ZNF680: variants seen among roughly 807,000 people sequenced by gnomAD.
The protein encoded by ZNF680 is hypothetical protein FLJ90430.
ZNF680 carries 6 observed loss-of-function variants against 12.1 expected under a neutral mutation model. The ratio of observed to expected loss-of-function variants is 0.49; its 90% CI spans 0.27 to 0.98. The LOEUF (loss-of-function observed/expected upper bound fraction) is 0.98. ZNF680 is among the 50% of genes least tolerant of loss of function. The pLI, the probability that ZNF680 is intolerant of heterozygous loss-of-function variation, is 0.12. For synonymous variants in ZNF680, 170 were observed against 199.3 expected (o/e 0.85, Z 1.24); for missense variants, 561 against 616.3 (o/e 0.91, Z 0.95).
intron 3 of ZNF680, among the ~76,000 whole-genome samples, chr7:64,533,106 G>C (rs1437899407): frequency 6.6e-6 from 1 of 152,152 alleles, no homozygotes; most frequent in Non-Finnish European, 1.5e-5. Flanking sequence ...TTGAGAACTG[G>C]AACAAGACAA....
the ZNF680 span, chr7:64,501,323 G>C: frequency 8.3e-7 from 1 of 1,208,030 alleles, no homozygotes; most frequent in Non-Finnish European, 1.2e-6. Context: ...ACCTCATGAA[G>C]GGGCAAAAGT....
chr7:64,556,649 C>T (rs546912619), intron 1 of ZNF680, among the ~76,000 whole-genome samples: 104 of 152,154 alleles, frequency 6.8e-4, no homozygotes, highest in African/African-American at 2.3e-3. Context: ...TGATTAAAGA[C>T]CTAAATGTAG....
the ZNF680 span, among the ~76,000 whole-genome samples, chr7:64,509,590 A>G: frequency 6.6e-6 from 1 of 152,196 alleles, no homozygotes; most frequent in African/African-American, 2.4e-5. Context: ...AATAGTATTA[A>G]AACATTCCCT....
chr7:64,525,685 T>C, intron 3 of ZNF680: 1 of 726,334 alleles, frequency 1.4e-6, no homozygotes, highest in Non-Finnish European at 1.7e-6. Context: ...TTATGTGTTT[T>C]TGACAAGTAA....
In ZNF680 at chr7:64,521,940, C is replaced by A. The variant is rs1411115770; in HGVS notation, c.814G>T (p.Gly272Cys). 1 of 1,612,742 alleles carries A rather than the reference C, an allele frequency of 6.2e-7. No homozygotes were observed. Among genetic ancestry groups the A allele is most frequent in the Non-Finnish European group, 8.5e-7 (1 of 1,179,542 alleles). Reference sequence around the variant, plus strand: ...ATTGAGAATAAACTAAAGGCTTTGCCACATTCTTCACATTTGAAGGGTTTC... The same window carrying A: ...ATTGAGAATAAACTAAAGGCTTTGCAACATTCTTCACATTTGAAGGGTTTC... Reference protein sequence around the residue: ...EEKPFKCEECGKAFSLFSILS... With the variant: ...EEKPFKCEECCKAFSLFSILS... Residue 272 changes from glycine (G) to cysteine (C), a missense_variant, in exon 4 of 4, where the codon GGC becomes TGC. Transcript: ENST00000309683.
chr7:64,513,988 C>T, the ZNF680 span, among the ~76,000 whole-genome samples: 2 of 152,012 alleles, frequency 1.3e-5, no homozygotes, highest in Non-Finnish European at 2.9e-5. Flanking sequence ...AAAGGTTTTG[C>T]TTTTTCAAAT....
chr7:64,556,902 AT>A (rs1787444822), intron 1 of ZNF680, among the ~76,000 whole-genome samples: 1 of 152,250 alleles, frequency 6.6e-6, no homozygotes. Context: ...TATTTGTAAA[AT>A]ATGCTTCTGA....
At chr7:64,543,661 C>T in intron 3 of ZNF680, 46 bp downstream of exon 3, 1 of 1,487,440 alleles carries the variant, frequency 6.7e-7, no homozygotes, top group African/African-American at 1.4e-5. Flanking sequence ...GACATCTGGA[C>T]CTCTCATCTG....
intron 3 of ZNF680, among the ~76,000 whole-genome samples, chr7:64,527,385 CATTA>C (rs1459114193): frequency 6.6e-6 from 1 of 151,938 alleles, no homozygotes; most frequent in Admixed American, 6.6e-5. Context: ...TTTAAAAATA[CATTA>C]ATTAAACTAA....
chr7:64,504,912 CTA>C, the ZNF680 span, among the ~76,000 whole-genome samples: 1 of 152,084 alleles, frequency 6.6e-6, no homozygotes, highest in Non-Finnish European at 1.5e-5. Flanking sequence ...TCAATTTACT[CTA>C]AATTGAGAGA....
chr7:64,508,076 C>T, the ZNF680 span, among the ~76,000 whole-genome samples: 2 of 144,704 alleles, frequency 1.4e-5, no homozygotes, highest in African/African-American at 5.3e-5. Flanking sequence ...TTATTTCCTT[C>T]ACTTGTTAGA....
chr7:64,504,938 C>T, the ZNF680 span, among the ~76,000 whole-genome samples: 1 of 152,172 alleles, frequency 6.6e-6, no homozygotes, highest in Non-Finnish European at 1.5e-5. Context: ...GATTTGCAAT[C>T]TTCAATCTTT....
chr7:64,526,021 A>C (rs1488360538), intron 3 of ZNF680: 2 of 983,504 alleles, frequency 2.0e-6, no homozygotes, highest in African/African-American at 3.5e-5. Context: ...TGGCATACTC[A>C]ATTATAATAT....
Position 64,521,899 on chromosome 7 carries a change from C to A in ZNF680, c.855G>T (p.Lys285Asn). The stretch of plus-strand genomic sequence containing the variant: ...AAGGTTTGTCTCCAGTATGAATTAT[C>A]TTATGTTTACTAAGGATTGAGAATA... Reference protein sequence around the residue: ...FSLFSILSKHKIIHTGDKPYK... With the variant: ...FSLFSILSKHNIIHTGDKPYK... The change falls in exon 4 of 4, where the codon AAG becomes AAT. Residue 285 changes from lysine (K) to asparagine (N), a missense_variant. By Grantham distance (94) the Lys-to-Asn change is moderately conservative. Transcript: ENST00000309683. 1.2e-6 allele frequency: 2 copies of A among 1,613,218 alleles called. No homozygotes were observed. Among genetic ancestry groups the A allele is most frequent in the Middle Eastern group, 1.7e-4 (1 of 6,054 alleles).
downstream of ZNF680, among the ~76,000 whole-genome samples, chr7:64,515,781 C>T (rs1356211412): frequency 1.3e-5 from 2 of 152,094 alleles, no homozygotes; most frequent in African/African-American, 2.4e-5. Context: ...AAAGTTTCTT[C>T]TCCTTTTGTG....
chr7:64,553,065 C>G (rs1294740826), intron 1 of ZNF680, among the ~76,000 whole-genome samples: 1 of 149,152 alleles, frequency 6.7e-6, no homozygotes, highest in Non-Finnish European at 1.5e-5. Flanking sequence ...AATGGAGTTG[C>G]AGTGAGCTGA....
intron 3 of ZNF680, among the ~76,000 whole-genome samples, chr7:64,532,545 C>CA (rs144144320): frequency 6.6e-6 from 1 of 151,716 alleles, no homozygotes; most frequent in African/African-American, 2.4e-5. Context: ...GAATTACCAA[C>CA]AAAAAAAGTC....
chr7:64,545,394 A>G (rs937648348), intron 1 of ZNF680, among the ~76,000 whole-genome samples: 34 of 152,230 alleles, frequency 2.2e-4, no homozygotes, highest in African/African-American at 7.9e-4. Context: ...CAGCTGCCAA[A>G]TCAAATGTGA....
chr7:64,523,483 C>T (rs1048853500), intron 3 of ZNF680, among the ~76,000 whole-genome samples: 5 of 151,642 alleles, frequency 3.3e-5, no homozygotes, highest in Non-Finnish European at 7.4e-5. Context: ...AAATCAGAGA[C>T]AAAAAAGAAT....
Sources: gnomAD v4.1 joint callset for allele counts (sites outside exome capture counted in the v4.1 genomes callset) on GRCh38, gnomAD v4.1.1 for gene constraint, MANE v1.5 for transcripts, NCBI Gene and HGNC (gene_info 2026-07-23, HGNC 2026-07-21) for gene names.